The following ZFYVE9 variants were observed in gnomAD, a reference collection of about 807,000 sequenced individuals.
ZFYVE9 encodes the protein zinc finger FYVE domain-containing protein 9.
In ZFYVE9, 43 loss-of-function variants were observed where a neutral mutation model predicts 126.7. That is an observed-to-expected ratio of 0.34 (90% CI 0.27 to 0.44). The LOEUF (loss-of-function observed/expected upper bound fraction) is 0.44, where lower values mean the gene tolerates loss of function less well. Ranked by LOEUF, ZFYVE9 falls within the 20% of genes least tolerant of loss-of-function variation. ZFYVE9 has a pLI of 1.00. For missense variants in ZFYVE9, 1,476 were observed against 1,697.0 expected (o/e 0.87, Z 2.29); for synonymous variants, 521 against 597.4 (o/e 0.87, Z 1.87).
At chr1:52,330,369 T>G (rs965717148) in intron 13 of ZFYVE9, among the ~76,000 whole-genome samples, 1 of 152,008 alleles carries the variant, frequency 6.6e-6, no homozygotes, top group African/African-American at 2.4e-5. Context: ...AGAGCGAAAC[T>G]CCATCTCAAA....
At chr1:52,333,915 AC>A (rs2147871167) in intron 14 of ZFYVE9, among the ~76,000 whole-genome samples, 1 of 152,198 alleles carries the variant, frequency 6.6e-6, no homozygotes, top group East Asian at 1.9e-4. Context: ...ACGTGGTGAA[AC>A]TTCATCTTTA....
At chr1:52,218,487 G>C (rs563755967) in intron 2 of ZFYVE9, among the ~76,000 whole-genome samples, 66 of 152,308 alleles carry the variant, frequency 4.3e-4, no homozygotes, top group African/African-American at 1.5e-3. Flanking sequence ...AATAGTGAGT[G>C]AGTGGCACAT....
At chr1:52,307,562 G>C (rs1173276558) in intron 13 of ZFYVE9, among the ~76,000 whole-genome samples, 1 of 151,958 alleles carries the variant, frequency 6.6e-6, no homozygotes, top group African/African-American at 2.4e-5. Context: ...GTACTGACTG[G>C]ACACTTTCAC....
At chr1:52,205,439 A>C (rs1223302772) in intron 1 of ZFYVE9, among the ~76,000 whole-genome samples, 2 of 151,742 alleles carry the variant, frequency 1.3e-5, no homozygotes, top group East Asian at 3.9e-4. Context: ...GTGGTAACTC[A>C]CTATAACCTT....
chr1:52,167,029 C>T (rs573944924), intron 1 of ZFYVE9, among the ~76,000 whole-genome samples: 4 of 152,178 alleles, frequency 2.6e-5, no homozygotes, highest in Admixed American at 2.6e-4. Flanking sequence ...GAATATGATT[C>T]CAATATAATT....
At chr1:52,275,780 T>A (rs1645742298) in intron 8 of ZFYVE9, among the ~76,000 whole-genome samples, 1 of 152,170 alleles carries the variant, frequency 6.6e-6, no homozygotes, top group Non-Finnish European at 1.5e-5. Context: ...TTTCCTTCAT[T>A]TTGTCTTCCA....
intron 2 of ZFYVE9, among the ~76,000 whole-genome samples, chr1:52,217,508 A>G (rs1369992905): frequency 1.3e-5 from 2 of 152,206 alleles, no homozygotes; most frequent in South Asian, 2.1e-4. Context: ...GCGAGAGCTT[A>G]TCTGAGTACG....
intron 1 of ZFYVE9, among the ~76,000 whole-genome samples, chr1:52,197,517 G>C (rs971807918): frequency 2.6e-5 from 4 of 152,054 alleles, no homozygotes; most frequent in African/African-American, 9.7e-5. Context: ...GAAGAGGACT[G>C]AGTACAGAAC....
At position 52,318,743 on chromosome 1, in the gene ZFYVE9, G is replaced by A. The variant is rs533913769; in HGVS notation, c.3439-14025G>A. Among the ~76,000 whole-genome samples the A allele has an allele frequency of 3.3e-5, 5 of 151,962 alleles. No individual in the cohort carries two copies. In the South Asian group the frequency reaches 6.2e-4, roughly 19 times the overall value. On this transcript the variant is annotated intron_variant, in intron 13 of 18. Coordinates refer to ENST00000287727, the MANE Select transcript of ZFYVE9 (RefSeq NM_004799.4). ...AAGTTAGCAAAGTCGTGAGATTATT[G>A]TATAAAAATCAGTAGTATTTTGGTA...
At chr1:52,244,471 A>C (rs1645364742) in intron 4 of ZFYVE9, among the ~76,000 whole-genome samples, 1 of 152,192 alleles carries the variant, frequency 6.6e-6, no homozygotes, top group South Asian at 2.1e-4. Context: ...TGGTGAGAGC[A>C]TGAAGAAATT....
At chr1:52,239,618 G>C in intron 4 of ZFYVE9, 23 bp downstream of exon 4, 6 of 1,592,080 alleles carry the variant, frequency 3.8e-6, no homozygotes, top group Non-Finnish European at 5.1e-6. Context: ...TATACACTCA[G>C]AAATCGGGCA....
chr1:52,178,923 A>G (rs762149470), intron 1 of ZFYVE9, among the ~76,000 whole-genome samples: 13 of 151,478 alleles, frequency 8.6e-5, no homozygotes, highest in Non-Finnish European at 1.5e-4. Context: ...TCCTACCTCA[A>G]CCTCCTGAGT....
At chr1:52,293,240 C>A (rs937078383) in intron 10 of ZFYVE9, among the ~76,000 whole-genome samples, 1 of 151,814 alleles carries the variant, frequency 6.6e-6, no homozygotes, top group Admixed American at 6.6e-5. Context: ...TTAGCCAGGT[C>A]TGGTGGCGGG....
In ZFYVE9 at chr1:52,233,205, C is replaced by G. The variant is rs780458326; in HGVS notation, c.-2C>G. ...AGTCTCTTAAGTGGTGTTTCCTCAC[C>G]GATGGAGAATTACTTCCAAGCAGAA... On this transcript the variant is annotated 5_prime_UTR_variant, in exon 3 of 19. Transcript: ENST00000287727. 1.1e-5 allele frequency: 17 copies of G among 1,572,026 alleles called. No homozygotes were observed. Among genetic ancestry groups the G allele is most frequent in the Non-Finnish European group, 1.3e-5 (15 of 1,156,002 alleles).
chr1:52,279,588 C>T (rs1001400097), intron 9 of ZFYVE9, among the ~76,000 whole-genome samples: 1 of 152,076 alleles, frequency 6.6e-6, no homozygotes, highest in Non-Finnish European at 1.5e-5. Context: ...GTCAGCCTCC[C>T]AAGTAGCTGA....
At chr1:52,178,245 C>T (rs1459502715) in intron 1 of ZFYVE9, among the ~76,000 whole-genome samples, 1 of 134,264 alleles carries the variant, frequency 7.4e-6, no homozygotes, top group Non-Finnish European at 1.5e-5. Context: ...CGCCACTGCA[C>T]TCCAGCCTGG....
intron 1 of ZFYVE9, among the ~76,000 whole-genome samples, chr1:52,176,679 AGCAAGCCTGG>A (rs749682648): frequency 6.4e-4 from 97 of 152,134 alleles, no homozygotes; most frequent in Non-Finnish European, 1.2e-3. Flanking sequence ...TGTTTACCTA[AGCAAGCCTGG>A]GCAATGGTGG....
intron 13 of ZFYVE9, among the ~76,000 whole-genome samples, chr1:52,308,487 T>C (rs1646107341): frequency 6.6e-6 from 1 of 152,160 alleles, no homozygotes; most frequent in South Asian, 2.1e-4. Flanking sequence ...CCGGCCATAA[T>C]TTTCTTGTAC....
intron 1 of ZFYVE9, among the ~76,000 whole-genome samples, chr1:52,143,542 T>G (rs1644280868): frequency 6.6e-6 from 1 of 152,212 alleles, no homozygotes; most frequent in South Asian, 2.1e-4. Context: ...TAATAAATAT[T>G]TAATAATAGG....
Sources: allele counts gnomAD v4.1 joint callset (sites outside exome capture counted in the v4.1 genomes callset), GRCh38; gene constraint gnomAD v4.1.1; transcripts MANE v1.5; gene names NCBI Gene and HGNC (gene_info 2026-07-23, HGNC 2026-07-21).